The following ZBTB20 variants were observed in gnomAD, a reference collection of about 807,000 sequenced individuals.
ZBTB20 encodes the protein zinc finger and BTB domain-containing protein 20.
ZBTB20 carries 9 observed loss-of-function variants against 56.9 expected under a neutral mutation model. The ratio of observed to expected loss-of-function variants is 0.16; its 90% CI spans 0.10 to 0.28. ZBTB20 has a LOEUF of 0.28. Ranked by LOEUF, ZBTB20 falls within the 10% of genes least tolerant of loss-of-function variation. The pLI, the probability that ZBTB20 is intolerant of heterozygous loss-of-function variation, is 1.00. For synonymous variants in ZBTB20, 417 were observed against 420.7 expected (o/e 0.99, Z 0.11); for missense variants, 655 against 1,003.0 (o/e 0.65, Z 4.69).
In ZBTB20 at chr3:114,322,398, A is replaced by G. The variant is rs1321271850; in HGVS notation, c.*16607T>C. 1 of 152,238 alleles carries G rather than the reference A, an allele frequency of 6.6e-6. No homozygotes were observed. Among genetic ancestry groups the G allele is most frequent in the Non-Finnish European group, 1.5e-5 (1 of 68,036 alleles). 9.4% of individuals were successfully genotyped at this position (152,238 alleles called of 1,614,324 possible). On this transcript the variant is annotated 3_prime_UTR_variant, in exon 12 of 12. Coordinates refer to ENST00000675478, the MANE Select transcript of ZBTB20 (RefSeq NM_001348800.3). Reference sequence around the variant, plus strand: ...TACCATTGTGAACAGAAGGAAAACCATAGTGTAATCCCTTGACCACCAAAG... The same window carrying G: ...TACCATTGTGAACAGAAGGAAAACCGTAGTGTAATCCCTTGACCACCAAAG...
intron 5 of ZBTB20, among the ~76,000 whole-genome samples, chr3:114,768,178 C>T (rs2068918442): frequency 6.6e-6 from 1 of 151,944 alleles, no homozygotes; most frequent in African/African-American, 2.4e-5. Context: ...AAAACACACA[C>T]ACATTAAAAA....
intron 6 of ZBTB20, among the ~76,000 whole-genome samples, chr3:114,559,186 T>A (rs2051671181): frequency 6.6e-6 from 1 of 152,188 alleles, no homozygotes; most frequent in South Asian, 2.1e-4. Flanking sequence ...AGTGAATGAA[T>A]AAATTAATGA....
At chr3:114,433,088 G>C (rs546142456) in intron 7 of ZBTB20, among the ~76,000 whole-genome samples, 1 of 152,126 alleles carries the variant, frequency 6.6e-6, no homozygotes, top group African/African-American at 2.4e-5. Context: ...ATAGTTTTAC[G>C]TAGATATAGG....
intron 4 of ZBTB20, among the ~76,000 whole-genome samples, chr3:114,821,804 C>A (rs1175847076): frequency 6.6e-6 from 1 of 152,036 alleles, no homozygotes; most frequent in Non-Finnish European, 1.5e-5. Context: ...AGAAATAAAG[C>A]AAATGAAGGC....
rs143339161 is a variant in ZBTB20, at chr3:114,516,877, A to G, written c.-294-16486T>C. Among the ~76,000 whole-genome samples, 39 of 152,292 alleles carry G rather than the reference A, an allele frequency of 2.6e-4. No homozygotes were observed. In the South Asian group the frequency reaches 5.0e-3, roughly 19 times the overall value. ...AGGAGCCGACCCTGTTGATACTTTA[A>G]TCTTGAACATCTAGCTTCTATAACT... On this transcript the variant is annotated intron_variant, in intron 6 of 11. Transcript: ENST00000675478.
intron 2 of ZBTB20, among the ~76,000 whole-genome samples, chr3:115,036,607 G>GT (rs1436940692): frequency 6.6e-6 from 1 of 152,126 alleles, no homozygotes; most frequent in African/African-American, 2.4e-5. Context: ...TAGAGACGGC[G>GT]TTTCACCATG....
rs199735743 is a variant in ZBTB20, at chr3:114,624,361, A to AAC, written c.-295+69166_-295+69167insGT. On this transcript the variant is annotated intron_variant, in intron 6 of 11. Transcript: ENST00000675478. The stretch of plus-strand genomic sequence containing the variant: ...AAATAAACAACAGTAAGAGAAACAA[A>AAC]AAAAAAAAAAACCCATCCCGTCCTG... 2.0e-4 allele frequency among the ~76,000 whole-genome samples: 31 copies of AAC among 151,272 alleles called. No individual in the cohort carries two copies. The East Asian group carries it at 2.3e-3, about 11-fold the overall frequency.
At chr3:114,992,980 G>A (rs1207663756) in intron 2 of ZBTB20, among the ~76,000 whole-genome samples, 1 of 151,822 alleles carries the variant, frequency 6.6e-6, no homozygotes, top group Non-Finnish European at 1.5e-5. Context: ...ACTTTGGAAG[G>A]ACCCAAGGCA....
intron 2 of ZBTB20, among the ~76,000 whole-genome samples, chr3:115,016,566 G>A (rs997224265): frequency 6.6e-6 from 1 of 151,704 alleles, no homozygotes; most frequent in African/African-American, 2.4e-5. Flanking sequence ...TTATTAGAGG[G>A]AATCCTTTCC....
At chr3:114,739,082 T>C (rs1426431560) in intron 5 of ZBTB20, among the ~76,000 whole-genome samples, 3 of 152,122 alleles carry the variant, frequency 2.0e-5, no homozygotes, top group Non-Finnish European at 4.4e-5. Context: ...CGTGCCAACG[T>C]ATTGAAGTGG....
intron 6 of ZBTB20, among the ~76,000 whole-genome samples, chr3:114,628,742 C>T (rs2058775380): frequency 6.6e-6 from 1 of 152,080 alleles, no homozygotes; most frequent in Admixed American, 6.6e-5. Context: ...TTTCTTTTAA[C>T]AGGTTACTAA....
intron 6 of ZBTB20, among the ~76,000 whole-genome samples, chr3:114,586,308 A>G (rs1306615544): frequency 6.6e-6 from 1 of 152,200 alleles, no homozygotes; most frequent in Non-Finnish European, 1.5e-5. Flanking sequence ...TTTCCCATCT[A>G]GTTTATTGGA....
intron 7 of ZBTB20, among the ~76,000 whole-genome samples, chr3:114,395,237 T>C (rs1187310393): frequency 1.3e-5 from 2 of 152,090 alleles, no homozygotes; most frequent in East Asian, 3.9e-4. Context: ...AAAGGATACA[T>C]CTAAGAAATA....
chr3:114,879,182 G>A (rs1358551958), intron 4 of ZBTB20, among the ~76,000 whole-genome samples: 2 of 152,160 alleles, frequency 1.3e-5, no homozygotes, highest in Admixed American at 6.5e-5. Context: ...ACTCTGTGGG[G>A]CTGCAGAATG....
At chr3:114,801,647 A>T (rs2108842640) in intron 4 of ZBTB20, among the ~76,000 whole-genome samples, 1 of 152,052 alleles carries the variant, frequency 6.6e-6, no homozygotes, top group East Asian at 1.9e-4. Context: ...GAAATGCTAG[A>T]TCTCCTACTT....
intron 6 of ZBTB20, among the ~76,000 whole-genome samples, chr3:114,623,941 T>A (rs1405705504): frequency 6.6e-6 from 1 of 152,182 alleles, no homozygotes; most frequent in African/African-American, 2.4e-5. Flanking sequence ...GTCCGTAGAG[T>A]GCTCTAAGTT....
chr3:114,385,804 G>GTTGCA (rs2085045033), intron 8 of ZBTB20, among the ~76,000 whole-genome samples: 2 of 152,124 alleles, frequency 1.3e-5, no homozygotes, highest in African/African-American at 4.8e-5. Flanking sequence ...GAGTGCAGAG[G>GTTGCA]TTGCAGTGAG....
At chr3:114,717,322 A>C (rs191454382) in intron 5 of ZBTB20, among the ~76,000 whole-genome samples, 10 of 152,264 alleles carry the variant, frequency 6.6e-5, no homozygotes, top group Admixed American at 3.3e-4. Context: ...AAGGAACTTT[A>C]GACGTTATCA....
intron 2 of ZBTB20, among the ~76,000 whole-genome samples, chr3:115,048,300 C>A (rs2081412636): frequency 6.6e-6 from 1 of 152,286 alleles, no homozygotes; most frequent in South Asian, 2.1e-4. Context: ...TGTATCACAT[C>A]TTCACATACA....
Sources: allele counts gnomAD v4.1 joint callset (sites outside exome capture counted in the v4.1 genomes callset), GRCh38; gene constraint gnomAD v4.1.1; transcripts MANE v1.5; gene names NCBI Gene and HGNC (gene_info 2026-07-23, HGNC 2026-07-21).